The following VPS13B variants were observed in gnomAD, a reference collection of about 807,000 sequenced individuals.
VPS13B encodes intermembrane lipid transfer protein VPS13B.
Under a neutral mutation model 426.4 loss-of-function variants are expected in VPS13B, and 285 were observed. The ratio of observed to expected loss-of-function variants is 0.67; its 90% CI spans 0.61 to 0.74. The LOEUF is 0.74. Ranked by LOEUF, VPS13B falls within the 30% of genes least tolerant of loss-of-function variation. The pLI is 0.00. For synonymous variants in VPS13B, 1,676 were observed against 1,676.4 expected (o/e 1.00, Z 0.01); for missense variants, 4,537 against 4,782.6 (o/e 0.95, Z 1.51).
At chr8:99,736,191 C>T (rs1190206145) in intron 39 of VPS13B, among the ~76,000 whole-genome samples, 1 of 152,118 alleles carries the variant, frequency 6.6e-6, no homozygotes, top group African/African-American at 2.4e-5. Flanking sequence ...GATTTTAGGA[C>T]ATGGAGGGGG....
At chr8:99,197,488 A>T (rs895841556) in intron 17 of VPS13B, among the ~76,000 whole-genome samples, 9 of 152,020 alleles carry the variant, frequency 5.9e-5, no homozygotes, top group Non-Finnish European at 1.0e-4. Context: ...TTATTGGTCT[A>T]CTCGTATTTT....
intron 39 of VPS13B, among the ~76,000 whole-genome samples, chr8:99,760,771 A>G (rs181227705): frequency 3.6e-3 from 546 of 152,356 alleles, no homozygotes; most frequent in Non-Finnish European, 6.6e-3. Flanking sequence ...AAAATATTCA[A>G]GAAAAGAAAA....
Position 99,391,597 on chromosome 8 carries a change from G to T in VPS13B, c.2975G>T (p.Arg992Ile). 6.2e-7 allele frequency: 1 copy of T among 1,614,186 alleles called. No individual in the cohort carries two copies. Among genetic ancestry groups the T allele is most frequent in the Non-Finnish European group, 8.5e-7 (1 of 1,180,030 alleles). Reference protein sequence around the residue: ...VAVPLVMPVCRRKEDEVSIGS... With the variant: ...VAVPLVMPVCIRKEDEVSIGS... ...GTTCCTCTTGTTATGCCAGTTTGTA[G>T]AAGGAAAGAGGATGAGGTGTCTATT... The change falls in exon 21 of 62, where the codon AGA (arginine) becomes ATA (isoleucine). Residue 992 changes from arginine to isoleucine, a missense_variant. Arg to Ile is a moderately conservative substitution (Grantham distance 97). Transcript: ENST00000357162.
At chr8:99,363,321 A>T (rs1303835585) in intron 19 of VPS13B, among the ~76,000 whole-genome samples, 3 of 152,056 alleles carry the variant, frequency 2.0e-5, no homozygotes, top group Non-Finnish European at 2.9e-5. Context: ...TTCACTGTAG[A>T]TGGATGGATT....
At chr8:99,297,069 C>T (rs1231045475) in intron 19 of VPS13B, among the ~76,000 whole-genome samples, 4 of 151,966 alleles carry the variant, frequency 2.6e-5, no homozygotes, top group Non-Finnish European at 2.9e-5. Context: ...ATGTGAAATA[C>T]ATTTCTCAAC....
At chr8:99,257,898 A>G (rs1415120092) in intron 17 of VPS13B, among the ~76,000 whole-genome samples, 2 of 151,726 alleles carry the variant, frequency 1.3e-5, no homozygotes, top group East Asian at 1.9e-4. Context: ...ACTTTTACAT[A>G]GTAGTCCTTC....
At chr8:99,368,399 T>C (rs2133254936) in intron 19 of VPS13B, among the ~76,000 whole-genome samples, 1 of 152,318 alleles carries the variant, frequency 6.6e-6, no homozygotes, top group Admixed American at 6.5e-5. Context: ...GGTAAAGATG[T>C]CCCATAAATG....
chr8:99,271,935 G>C (rs1377599346), intron 17 of VPS13B, among the ~76,000 whole-genome samples: 2 of 152,046 alleles, frequency 1.3e-5, no homozygotes, highest in Non-Finnish European at 2.9e-5. Flanking sequence ...ATATCATAAG[G>C]GTTGATTTGG....
At chr8:99,358,913 G>T (rs1812339261) in intron 19 of VPS13B, among the ~76,000 whole-genome samples, 3 of 152,120 alleles carry the variant, frequency 2.0e-5, no homozygotes, top group Admixed American at 2.0e-4. Context: ...TTTCCGTAAG[G>T]TTTTACGTGT....
At chr8:99,401,013 A>G (rs1815007195) in intron 21 of VPS13B, among the ~76,000 whole-genome samples, 2 of 152,180 alleles carry the variant, frequency 1.3e-5, no homozygotes, top group African/African-American at 4.8e-5. Context: ...ATACTTTGTT[A>G]TAACAACTTA....
intron 19 of VPS13B, among the ~76,000 whole-genome samples, chr8:99,291,772 G>T (rs1217021016): frequency 6.6e-6 from 1 of 152,058 alleles, no homozygotes; most frequent in Non-Finnish European, 1.5e-5. Context: ...TTGCACATGA[G>T]TGGAAAATTC....
intron 19 of VPS13B, among the ~76,000 whole-genome samples, chr8:99,275,953 A>T (rs1008637687): frequency 2.0e-5 from 3 of 152,198 alleles, no homozygotes; most frequent in Non-Finnish European, 4.4e-5. Context: ...CATTTGTTTT[A>T]AAAGATACGT....
intron 61 of VPS13B, among the ~76,000 whole-genome samples, chr8:99,872,175 AGGGTGCTGGAGGTCTGT>A (rs1191630851): frequency 6.6e-6 from 1 of 152,200 alleles, no homozygotes; most frequent in Non-Finnish European, 1.5e-5. Context: ...AACTGGCTGC[AGGGTGCTGGAGGTCTGT>A]GGGTGCTGGA....
At chr8:99,478,376 C>T (rs186615874) in intron 24 of VPS13B, among the ~76,000 whole-genome samples, 3 of 149,152 alleles carry the variant, frequency 2.0e-5, no homozygotes, top group Admixed American at 1.3e-4. Flanking sequence ...TATCCTTGCA[C>T]CACTCACCCA....
At chr8:99,704,386 A>T (rs1485182133) in intron 36 of VPS13B, among the ~76,000 whole-genome samples, 1 of 152,164 alleles carries the variant, frequency 6.6e-6, no homozygotes, top group Non-Finnish European at 1.5e-5. Context: ...TTCTATAGTT[A>T]ACTGGGTCTC....
intron 30 of VPS13B, among the ~76,000 whole-genome samples, chr8:99,554,553 A>G (rs545099813): frequency 6.8e-6 from 1 of 147,092 alleles, no homozygotes; most frequent in African/African-American, 2.5e-5. Context: ...TAGATAGTAT[A>G]GATAGTTCCT....
intron 42 of VPS13B, among the ~76,000 whole-genome samples, chr8:99,780,275 A>C (rs1438972328): frequency 6.6e-6 from 1 of 152,180 alleles, no homozygotes; most frequent in Non-Finnish European, 1.5e-5. Context: ...ACATTTAATA[A>C]AAAACAAACC....
intron 25 of VPS13B, among the ~76,000 whole-genome samples, chr8:99,489,436 G>A (rs1203246171): frequency 3.3e-5 from 5 of 151,792 alleles, no homozygotes; most frequent in African/African-American, 1.2e-4. Context: ...CCAATGCTGT[G>A]AAGAAAGTCA....
Position 99,784,355 on chromosome 8 carries a change from T to C in VPS13B, c.7820T>C (p.Phe2607Ser), listed in dbSNP as rs370370264. 3.7e-6 allele frequency: 6 copies of C among 1,613,630 alleles called. No individual in the cohort carries two copies. The African/African-American group carries it at 5.3e-5, about 14-fold the overall frequency. The change falls in exon 43 of 62, where the codon TTT becomes TCT. Residue 2607 changes from phenylalanine to serine, a missense_variant. Coordinates refer to ENST00000357162, the MANE Select transcript of VPS13B (RefSeq NM_152564.5). Reference sequence around the variant, plus strand: ...GTAGAGGAGTTGGTCTTCAGCCATTTTGTGATCTGTAATGACACACAGGAG... The same window carrying C: ...GTAGAGGAGTTGGTCTTCAGCCATTCTGTGATCTGTAATGACACACAGGAG... ...PEVEELVFSH[F>S]VICNDTQETL... is the part of the protein sequence containing the mutation.
Sources: gnomAD v4.1 joint callset for allele counts (sites outside exome capture counted in the v4.1 genomes callset) on GRCh38, gnomAD v4.1.1 for gene constraint, MANE v1.5 for transcripts, NCBI Gene and HGNC (gene_info 2026-07-23, HGNC 2026-07-21) for gene names.